Variants in ARHGAP20 observed in about 807,000 individuals in gnomAD.
ARHGAP20 encodes the protein rho GTPase-activating protein 20.
In ARHGAP20, 34 loss-of-function variants were observed where a neutral mutation model predicts 73.7. The ratio of observed to expected loss-of-function variants is 0.46; its 90% confidence interval spans 0.35 to 0.61. ARHGAP20 has a LOEUF of 0.61. Ranked by LOEUF, ARHGAP20 falls within the 20% of genes least tolerant of loss-of-function variation. ARHGAP20 has a pLI of 0.00. For missense variants in ARHGAP20, 1,314 were observed against 1,420.9 expected (o/e 0.92, Z 1.21); for synonymous variants, 523 against 518.2 (o/e 1.01, Z -0.13).
At position 110,578,707 on chromosome 11, in the gene ARHGAP20, C is replaced by G; in HGVS notation, c.*663G>C. ...CAACATGAATGAAAAAACAAACCGA[C>G]AAATACAACCAACAAAACTGATATC... On this transcript the variant is annotated 3_prime_UTR_variant, in exon 15 of 15. Coordinates refer to ENST00000683387, the MANE Select transcript of ARHGAP20 (RefSeq NM_001384657.1). 3 of 985,422 alleles carry G rather than the reference C, an allele frequency of 3.0e-6. No homozygotes were observed. The highest frequency in any genetic ancestry group is 3.6e-6 in the Non-Finnish European group (3 of 829,932). The allele number at this position is 985,422 out of a possible 1,614,324, so 61.0% of individuals were successfully genotyped here.
At chr11:110,672,644 A>G (rs1949852717) in intron 2 of ARHGAP20, among the ~76,000 whole-genome samples, 1 of 152,158 alleles carries the variant, frequency 6.6e-6, no homozygotes, top group East Asian at 1.9e-4. Flanking sequence ...ACAAGGTTTC[A>G]CCATGTTAGC....
At chr11:110,695,608 G>T (rs1331943336) in intron 1 of ARHGAP20, among the ~76,000 whole-genome samples, 1 of 151,640 alleles carries the variant, frequency 6.6e-6, no homozygotes, top group East Asian at 1.9e-4. Flanking sequence ...TCAGGGAAAT[G>T]CAAATCAAAA....
At chr11:110,626,333 T>C (rs2134941793) in intron 3 of ARHGAP20, among the ~76,000 whole-genome samples, 1 of 152,312 alleles carries the variant, frequency 6.6e-6, no homozygotes, top group African/African-American at 2.4e-5. Context: ...CCTAGATCAA[T>C]AAGGTGCTAC....
At chr11:110,706,722 A>T (rs1349139999) in intron 1 of ARHGAP20, among the ~76,000 whole-genome samples, 1 of 152,118 alleles carries the variant, frequency 6.6e-6, no homozygotes, top group African/African-American at 2.4e-5. Context: ...CCCATTTTGC[A>T]TACAAAGAAA....
intron 10 of ARHGAP20, 95 bp downstream of exon 10, chr11:110,591,882 C>T: frequency 1.5e-6 from 2 of 1,296,698 alleles, no homozygotes; most frequent in Non-Finnish European, 2.1e-6. Flanking sequence ...ACAGTGGTGT[C>T]TATAATTTTT....
At chr11:110,610,721 C>T (rs1223194905) in intron 7 of ARHGAP20, among the ~76,000 whole-genome samples, 1 of 152,100 alleles carries the variant, frequency 6.6e-6, no homozygotes, top group African/African-American at 2.4e-5. Context: ...AAAAGTAAAA[C>T]ATGGAAGAAT....
intron 1 of ARHGAP20, among the ~76,000 whole-genome samples, chr11:110,701,522 T>G (rs1359470641): frequency 6.7e-6 from 1 of 150,310 alleles, no homozygotes; most frequent in South Asian, 2.1e-4. Flanking sequence ...TTTTCTCCCA[T>G]TTTGTAGGTT....
intron 2 of ARHGAP20, among the ~76,000 whole-genome samples, chr11:110,648,483 A>AG (rs1949276539): frequency 7.6e-6 from 1 of 131,210 alleles, no homozygotes. Flanking sequence ...CCATAACATG[A>AG]ATTTTTTTTT....
chr11:110,643,041 T>C (rs1448970002), intron 2 of ARHGAP20, among the ~76,000 whole-genome samples: 2 of 152,118 alleles, frequency 1.3e-5, no homozygotes, highest in South Asian at 2.1e-4. Flanking sequence ...TGTCCATCTC[T>C]TCTAGATTTT....
At chr11:110,670,086 T>C (rs1012988245) in intron 2 of ARHGAP20, among the ~76,000 whole-genome samples, 3 of 152,080 alleles carry the variant, frequency 2.0e-5, no homozygotes, top group African/African-American at 4.8e-5. Context: ...GAAGGATGGA[T>C]TGCAAAGGCG....
intron 11 of ARHGAP20, chr11:110,589,705 C>G: frequency 1.0e-6 from 1 of 985,322 alleles, no homozygotes. Flanking sequence ...CTCTCTATCT[C>G]TGTAACCATG....
chr11:110,654,876 G>A (rs1949431328), intron 2 of ARHGAP20, among the ~76,000 whole-genome samples: 1 of 152,178 alleles, frequency 6.6e-6, no homozygotes, highest in South Asian at 2.1e-4. Flanking sequence ...AATTCCACGT[G>A]TTTCTTAATC....
intron 2 of ARHGAP20, among the ~76,000 whole-genome samples, chr11:110,665,032 G>A (rs1949695823): frequency 6.6e-6 from 1 of 152,028 alleles, no homozygotes; most frequent in South Asian, 2.1e-4. Context: ...AATTAAAATA[G>A]AAGTAAATTA....
chr11:110,664,799 G>C lies in ARHGAP20; in HGVS notation c.188+25748C>G, dbSNP rs1436441680. On this transcript the variant is annotated intron_variant, in intron 2 of 14. Transcript: ENST00000683387. ...CTAGCAATAAAATATGAAATACTTA[G>C]GGTAAATATGAAAAAAGATATAAAG... Among the ~76,000 whole-genome samples, 5 of 151,678 alleles carry C rather than the reference G, an allele frequency of 3.3e-5. No individual in the cohort carries two copies. The East Asian group carries it at 7.7e-4, about 23-fold the overall frequency.
chr11:110,587,274 A>G (rs1029122263), intron 11 of ARHGAP20, among the ~76,000 whole-genome samples: 2 of 152,232 alleles, frequency 1.3e-5, no homozygotes, highest in African/African-American at 4.8e-5. Flanking sequence ...TCTCCACCTT[A>G]GTAAACTTTA....
At chr11:110,701,427 G>T (rs1261170013) in intron 1 of ARHGAP20, among the ~76,000 whole-genome samples, 21 of 151,674 alleles carry the variant, frequency 1.4e-4, no homozygotes, top group Non-Finnish European at 2.9e-5. Flanking sequence ...ACTTTCTGAT[G>T]GGGTTGTTTT....
At chr11:110,609,666 A>G (rs550683540) in intron 7 of ARHGAP20, among the ~76,000 whole-genome samples, 15 of 152,302 alleles carry the variant, frequency 9.8e-5, no homozygotes, top group South Asian at 8.3e-4. Context: ...TGAAAGAAAT[A>G]CTAAATTATA....
rs897586538 is a variant in ARHGAP20 at position 110,630,672 on chromosome 11, C to T, written c.309G>A (p.Arg103=). 6.2e-7 allele frequency: 1 copy of T among 1,614,062 alleles called. No homozygotes were observed. Among genetic ancestry groups the T allele is most frequent in the South Asian group, 1.1e-5 (1 of 91,078 alleles). The part of the protein sequence containing the change: ...ELKRGLQRQE[R]HLFLFNDLFV... ...ACAGATCATTGAATAGGAAAAGATG[C>T]CGCTCCTGCCTCTGGAGGCCTCTTT... Residue 103 remains arginine, a synonymous_variant, in exon 3 of 15, where the codon CGG becomes CGA. Coordinates refer to ENST00000683387, the MANE Select transcript of ARHGAP20 (RefSeq NM_001384657.1).
chr11:110,641,926 G>C (rs1949086626), intron 2 of ARHGAP20, among the ~76,000 whole-genome samples: 2 of 152,002 alleles, frequency 1.3e-5, no homozygotes, highest in South Asian at 4.1e-4. Context: ...AAATTTATAT[G>C]TGTAATGATT....
Sources: gnomAD v4.1 joint callset for allele counts (sites outside exome capture counted in the v4.1 genomes callset) on GRCh38, gnomAD v4.1.1 for gene constraint, MANE v1.5 for transcripts, NCBI Gene and HGNC (gene_info 2026-07-23, HGNC 2026-07-21) for gene names.